MELK: variants seen among roughly 807,000 people sequenced by gnomAD.
MELK encodes pEg3 kinase.
In MELK, 81 loss-of-function variants were observed where a neutral mutation model predicts 85.0. The observed-to-expected ratio is 0.95, with a 90% CI of 0.80 to 1.15. MELK has a LOEUF of 1.15. Among genes scored for constraint, MELK ranks in the 50% most tolerant of loss-of-function variants. The pLI is 0.00. For synonymous variants in MELK, 252 were observed against 265.0 expected, an observed-to-expected ratio of 0.95 and a Z score of 0.48; for missense variants, 754 against 777.5, an observed-to-expected ratio of 0.97 and a Z score of 0.36.
chr9:36,620,189 T>C (rs1376101887), intron 8 of MELK, among the ~76,000 whole-genome samples: 1 of 152,238 alleles, frequency 6.6e-6, no homozygotes, highest in Non-Finnish European at 1.5e-5. Context: ...TTCTCAGCTC[T>C]GTAGTTGCTA....
At position 36,583,724 on chromosome 9, in the gene MELK, TTTA is replaced by T; in HGVS notation, c.144+15_144+17del. ...AAAACACACTAGGGGTAAGTTTAGA[TTTA>T]TTTAAAAAATAGTCCACTTATAGAT... On this transcript the variant is annotated intron_variant, in intron 3 of 17. Coordinates refer to ENST00000298048, the MANE Select transcript of MELK (RefSeq NM_014791.4). The T allele has an allele frequency of 6.3e-7, 1 of 1,575,952 alleles. No individual in the cohort carries two copies.
At position 36,589,535 on chromosome 9, in the gene MELK, G is replaced by C; in HGVS notation, c.145-1G>C. ...TCATTCCATATGATGTTTTGTCACA[G>C]AGTGATTTGCCCCGGATCAAAACGG... On this transcript the variant is annotated splice_acceptor_variant, in intron 3 of 17. Coordinates refer to ENST00000298048, the MANE Select transcript of MELK (RefSeq NM_014791.4). LOFTEE classifies it high-confidence loss of function. 6.2e-7 allele frequency: 1 copy of C among 1,609,672 alleles called. No individual in the cohort carries two copies. Among genetic ancestry groups the C allele is most frequent in the Non-Finnish European group, 8.5e-7 (1 of 1,176,066 alleles).
Position 36,669,406 on chromosome 9 carries a change from G to T in MELK, c.1505G>T (p.Arg502Leu). 2.5e-6 allele frequency: 4 copies of T among 1,588,028 alleles called. No individual in the cohort carries two copies. Among genetic ancestry groups the T allele is most frequent in the Non-Finnish European group, 3.4e-6 (4 of 1,169,566 alleles). The change falls in exon 15 of 18, where the codon CGG becomes CTG. Residue 502 changes from arginine (R) to leucine (L), a missense_variant and splice_region_variant. Arg to Leu is a moderately radical substitution (Grantham distance 102, BLOSUM62 -2). Coordinates refer to ENST00000298048, the MANE Select transcript of MELK (RefSeq NM_014791.4). ...LMTGVISPER[R>L]CRSVELDLNQ... Reference sequence around the variant, plus strand: ...ACAGGTGTCATTAGCCCTGAGAGGCGGTAAGTGTTTGGTTTTTTTAGACTC... The same window carrying T: ...ACAGGTGTCATTAGCCCTGAGAGGCTGTAAGTGTTTGGTTTTTTTAGACTC...
At position 36,677,281 on chromosome 9, in the gene MELK, G is replaced by A. The variant is rs544001717; in HGVS notation, c.1900G>A (p.Asp634Asn). 11 of 1,613,950 alleles carry A rather than the reference G, an allele frequency of 6.8e-6. No homozygotes were observed. The highest frequency in any genetic ancestry group is 1.6e-4 in the Middle Eastern group (1 of 6,062). ...VGIRRQRLKG[D>N]AWVYKRLVED... Reference sequence around the variant, plus strand: ...TATCAGGAGGCAGCGGCTTAAGGGCGATGCCTGGGTTTACAAAAGATTAGT... The same window carrying A: ...TATCAGGAGGCAGCGGCTTAAGGGCAATGCCTGGGTTTACAAAAGATTAGT... The change falls in exon 18 of 18, where the codon GAT (aspartate) becomes AAT (asparagine). Residue 634 changes from aspartate (D) to asparagine (N), a missense_variant. Coordinates refer to ENST00000298048, the MANE Select transcript of MELK (RefSeq NM_014791.4).
At chr9:36,578,688 T>C (rs1821891139) in intron 1 of MELK, among the ~76,000 whole-genome samples, 1 of 152,184 alleles carries the variant, frequency 6.6e-6, no homozygotes, top group Admixed American at 6.6e-5. Context: ...ATTGAAACCA[T>C]TGTTCAAGTT....
At chr9:36,669,235 A>T in intron 14 of MELK, 75 bp from the exon 15 acceptor site, 1 of 930,352 alleles carries the variant, frequency 1.1e-6, no homozygotes, top group Non-Finnish European at 1.6e-6. Flanking sequence ...TGATACCTGC[A>T]TTATTATTAA....
At chr9:36,668,368 G>T (rs915063181) in intron 14 of MELK, among the ~76,000 whole-genome samples, 1 of 151,840 alleles carries the variant, frequency 6.6e-6, no homozygotes, top group South Asian at 2.1e-4. Flanking sequence ...ATCTCTAAAG[G>T]GTATAAAACT....
intron 7 of MELK, among the ~76,000 whole-genome samples, chr9:36,604,573 G>A (rs952194674): frequency 6.6e-6 from 1 of 151,922 alleles, no homozygotes; most frequent in African/African-American, 2.4e-5. Context: ...GGCTGGTCTC[G>A]AACTCCTGAC....
chr9:36,579,199 G>A (rs1432110918), intron 1 of MELK, among the ~76,000 whole-genome samples: 1 of 152,118 alleles, frequency 6.6e-6, no homozygotes, highest in African/African-American at 2.4e-5. Flanking sequence ...GGCTAATTTT[G>A]TATTTTTAGT....
intron 8 of MELK, among the ~76,000 whole-genome samples, chr9:36,624,700 C>T (rs570683199): frequency 2.6e-4 from 40 of 152,242 alleles, no homozygotes; most frequent in Admixed American, 1.3e-3. Context: ...TTATTTAGTA[C>T]TTTGGTCTGA....
Position 36,639,127 on chromosome 9 carries a change from C to G in MELK, c.835-3870C>G, listed in dbSNP as rs570155773. Among the ~76,000 whole-genome samples the G allele has an allele frequency of 4.6e-5, 7 of 152,260 alleles. No homozygotes were observed. In the East Asian group the frequency reaches 1.2e-3, roughly 25 times the overall value. ...GCCAGTCTTAGGCAGATCACAGTAA[C>G]TTTTCTGAGTCTTCATTTTATCACC... On this transcript the variant is annotated intron_variant, in intron 10 of 17. Coordinates refer to ENST00000298048, the MANE Select transcript of MELK (RefSeq NM_014791.4).
rs897228763 is a variant in MELK, at chr9:36,671,205, G to A, written c.1674+39G>A. On this transcript the variant is annotated intron_variant, in intron 16 of 17. Coordinates refer to ENST00000298048, the MANE Select transcript of MELK (RefSeq NM_014791.4). ...AATTCTTTCATATGGAGCAGAAGCT[G>A]ACTGCTAATGGACTGCCTTTTTTTT... 30 of 1,498,986 alleles carry A rather than the reference G, an allele frequency of 2.0e-5. No homozygotes were observed. In the Admixed American group the frequency reaches 3.0e-4, roughly 15 times the overall value. The allele number at this position is 1,498,986 out of a possible 1,614,324, so 92.9% of individuals were successfully genotyped here.
chr9:36,575,170 C>T (rs1055423580), intron 1 of MELK, among the ~76,000 whole-genome samples: 2 of 151,998 alleles, frequency 1.3e-5, no homozygotes, highest in Non-Finnish European at 2.9e-5. Context: ...TTATATATAC[C>T]CCCAATTCTT....
chr9:36,642,907 G>T, intron 10 of MELK, 90 bp from the exon 11 acceptor site: 1 of 878,798 alleles, frequency 1.1e-6, no homozygotes, highest in Non-Finnish European at 1.7e-6. Flanking sequence ...ATATTTGATT[G>T]TATAAAGTAA....
chr9:36,588,064 A>G (rs891267238), intron 3 of MELK, among the ~76,000 whole-genome samples: 3 of 150,586 alleles, frequency 2.0e-5, no homozygotes, highest in Non-Finnish European at 3.0e-5. Flanking sequence ...ACCACACCCA[A>G]TCAGAGTCCT....
intron 1 of MELK, among the ~76,000 whole-genome samples, chr9:36,575,216 T>C (rs1429326838): frequency 6.6e-6 from 1 of 152,128 alleles, no homozygotes; most frequent in Admixed American, 6.6e-5. Context: ...GGCACTCAGG[T>C]GTCTGATTGG....
chr9:36,664,545 A>T (rs1832150636), intron 13 of MELK, among the ~76,000 whole-genome samples: 1 of 152,212 alleles, frequency 6.6e-6, no homozygotes, highest in Non-Finnish European at 1.5e-5. Context: ...ACCTTTATTT[A>T]TCTGAAGACT....
At chr9:36,595,614 T>C (rs1824140668) in intron 5 of MELK, among the ~76,000 whole-genome samples, 1 of 149,502 alleles carries the variant, frequency 6.7e-6, no homozygotes, top group African/African-American at 2.5e-5. Context: ...TGTTTTTTTT[T>C]TTTTTTTTTT....
At chr9:36,615,359 TCCCTCCCGGTCGGCACGGCTGGCCGGG>T (rs1826562962) in intron 8 of MELK, among the ~76,000 whole-genome samples, 1 of 93,400 alleles carries the variant, frequency 1.1e-5, no homozygotes, top group East Asian at 4.1e-4. Context: ...CCCCCCCACC[TCCCTCCCGGTCGGCACGGCTGGCCGGG>T]CGGGGGGCTG....
Sources: allele counts gnomAD v4.1 joint callset (sites outside exome capture counted in the v4.1 genomes callset), GRCh38; gene constraint gnomAD v4.1.1; transcripts MANE v1.5; gene names NCBI Gene and HGNC (gene_info 2026-07-23, HGNC 2026-07-21).